SVEP1: variants seen among roughly 807,000 people sequenced by gnomAD.
SVEP1 encodes sushi, von Willebrand factor type A, EGF and pentraxin domain-containing protein 1.
SVEP1 carries 164 observed loss-of-function variants against 367.3 expected under a neutral mutation model. The observed-to-expected ratio is 0.45, with a 90% CI of 0.39 to 0.51. The LOEUF is 0.51. Ranked by LOEUF, SVEP1 falls within the 20% of genes least tolerant of loss-of-function variation. The pLI is 0.00. For missense variants in SVEP1, 4,117 were observed against 4,425.3 expected (o/e 0.93, Z 1.98); for synonymous variants, 1,666 against 1,611.6 (o/e 1.03, Z -0.81).
intron 8 of SVEP1, among the ~76,000 whole-genome samples, chr9:110,495,068 T>C (rs1333310906): frequency 6.6e-6 from 1 of 152,194 alleles, no homozygotes; most frequent in Non-Finnish European, 1.5e-5. Flanking sequence ...CTTATTCCCT[T>C]TAGTTACGCT....
intron 34 of SVEP1, 57 bp downstream of exon 34, chr9:110,429,863 C>A (rs140747817): frequency 1.3e-5 from 19 of 1,443,434 alleles, no homozygotes; most frequent in Admixed American, 6.8e-5. Flanking sequence ...AGTGTTATAT[C>A]ACTACCAGTA....
Position 110,513,013 on chromosome 9 carries a change from A to G in SVEP1, c.1216T>C (p.Cys406Arg), listed in dbSNP as rs1439359661. ...NHFNAACGVR[C>R]HPGFDLVGSS... ...CCCACAAGATCAAATCCAGGGTGAC[A>G]TCGGACCCCACAGGCTGCATTGAAG... The change falls in exon 5 of 48, where the codon TGT becomes CGT. Residue 406 changes from cysteine to arginine, a missense_variant. By Grantham distance (180) the Cys-to-Arg change is radical. Coordinates refer to ENST00000374469, the MANE Select transcript of SVEP1 (RefSeq NM_153366.4). 1 of 1,613,908 alleles carries G rather than the reference A, an allele frequency of 6.2e-7. No individual in the cohort carries two copies. The highest frequency in any genetic ancestry group is 8.5e-7 in the Non-Finnish European group (1 of 1,179,896).
intron 3 of SVEP1, among the ~76,000 whole-genome samples, chr9:110,540,598 G>A (rs1392925072): frequency 6.6e-6 from 1 of 152,076 alleles, no homozygotes; most frequent in East Asian, 1.9e-4. Context: ...GAACAAGAAC[G>A]ACAAGACCAC....
chr9:110,553,641 G>GTA (rs1223781550), intron 1 of SVEP1, among the ~76,000 whole-genome samples: 1 of 152,140 alleles, frequency 6.6e-6, no homozygotes, highest in Non-Finnish European at 1.5e-5. Flanking sequence ...ACAGGCCCAG[G>GTA]TATTTCAAGG....
At chr9:110,403,083 G>T (rs1056807932) in intron 39 of SVEP1, among the ~76,000 whole-genome samples, 1 of 151,924 alleles carries the variant, frequency 6.6e-6, no homozygotes, top group Non-Finnish European at 1.5e-5. Flanking sequence ...TATTTGAGAT[G>T]GAATTTAAAC....
At chr9:110,370,502 AAATT>A (rs1399542631) in intron 46 of SVEP1, among the ~76,000 whole-genome samples, 1 of 152,188 alleles carries the variant, frequency 6.6e-6, no homozygotes, top group Admixed American at 6.6e-5. Flanking sequence ...TTATGATAAT[AAATT>A]AGGCACATGG....
At chr9:110,441,477 C>T (rs1445906403) in intron 27 of SVEP1, among the ~76,000 whole-genome samples, 1 of 152,214 alleles carries the variant, frequency 6.6e-6, no homozygotes, top group Non-Finnish European at 1.5e-5. Flanking sequence ...CTTGACTCTA[C>T]AGCTCTGTCC....
At chr9:110,416,194 G>A (rs1273802220) in intron 36 of SVEP1, among the ~76,000 whole-genome samples, 1 of 151,266 alleles carries the variant, frequency 6.6e-6, no homozygotes, top group African/African-American at 2.4e-5. Context: ...AAACTGCAAG[G>A]GTAGAGCACC....
intron 35 of SVEP1, 106 bp downstream of exon 35, chr9:110,429,037 C>G (rs1828306157): frequency 2.0e-6 from 2 of 991,726 alleles, no homozygotes. Flanking sequence ...CCACTGCACT[C>G]TAGCCTGAGT....
At position 110,450,161 on chromosome 9, in the gene SVEP1, G is replaced by T. The variant is rs748229531; in HGVS notation, c.4001C>A (p.Pro1334Gln). ...ACATCGGGTACCCAAAAATCCAGGT[G>T]GGCATTTGCACAAGAATCCCCCAAC... ...DQVGGFLCKC[P>Q]PGFLGTRCGK... Residue 1334 changes from proline (P) to glutamine (Q), a missense_variant, in exon 24 of 48, where the codon CCA becomes CAA. By Grantham distance (76) the Pro-to-Gln change is moderately conservative. Transcript: ENST00000374469. 4.1e-5 allele frequency: 66 copies of T among 1,613,856 alleles called. 2 individuals are homozygous for T. In the South Asian group the frequency reaches 7.2e-4, roughly 18 times the overall value.
intron 5 of SVEP1, among the ~76,000 whole-genome samples, chr9:110,508,483 C>T (rs1002900724): frequency 3.3e-5 from 5 of 151,778 alleles, no homozygotes; most frequent in African/African-American, 1.2e-4. Context: ...GAATTCTGGC[C>T]GGGTGCGGTG....
chr9:110,441,096 CA>C (rs1490158482), intron 27 of SVEP1, among the ~76,000 whole-genome samples: 2 of 152,094 alleles, frequency 1.3e-5, no homozygotes, highest in African/African-American at 4.8e-5. Flanking sequence ...GGTAATTAGG[CA>C]TAAATGGTAT....
chr9:110,432,093 A>C, intron 31 of SVEP1, 59 bp from the exon 32 acceptor site: 2 of 1,527,386 alleles, frequency 1.3e-6, no homozygotes, highest in Non-Finnish European at 1.8e-6. Flanking sequence ...TGTATCAAAC[A>C]TCTGTTTTTA....
Position 110,476,255 on chromosome 9 carries a change from T to C in SVEP1, c.2548A>G (p.Lys850Glu), listed in dbSNP as rs757803087. Residue 850 changes from lysine to glutamate, a missense_variant, in exon 14 of 48, where the codon AAA becomes GAA. Coordinates refer to ENST00000374469, the MANE Select transcript of SVEP1 (RefSeq NM_153366.4). ...TAATTATATTCTAGGCAATATTTTT[T>C]GGTCAGGTTCTCCTCCAGTCTGCAG... ...IDCRLEENLT[K>E]KYCLEYNYDY... is the part of the protein sequence containing the mutation. 5.6e-6 allele frequency: 9 copies of C among 1,613,640 alleles called. No individual in the cohort carries two copies. The African/African-American group carries it at 1.2e-4, about 22-fold the overall frequency.
intron 27 of SVEP1, 175 bp downstream of exon 27, chr9:110,443,370 A>G (rs1475123560): frequency 1.9e-6 from 1 of 528,932 alleles, no homozygotes; most frequent in Non-Finnish European, 3.0e-6. Context: ...CAGCTTACTT[A>G]GGAAAAAAGC....
intron 26 of SVEP1, among the ~76,000 whole-genome samples, chr9:110,445,095 C>T (rs752195525): frequency 2.6e-5 from 4 of 152,158 alleles, no homozygotes; most frequent in East Asian, 1.9e-4. Flanking sequence ...TCTAACCACA[C>T]GGAAGTTATG....
chr9:110,486,339 T>C (rs1224024232), intron 9 of SVEP1, among the ~76,000 whole-genome samples: 2 of 152,180 alleles, frequency 1.3e-5, no homozygotes, highest in African/African-American at 2.4e-5. Context: ...AGTCAATTAC[T>C]GTCAAAAGAA....
Position 110,443,239 on chromosome 9 carries a change from AC to A in SVEP1, c.4639+305del, listed in dbSNP as rs1828540134. On this transcript the variant is annotated intron_variant, in intron 27 of 47. Transcript: ENST00000374469. ...CAAAACAAAACAATCCTTAAAATAA[AC>A]AAAAAATACCAGTAATTAATCTCCT... 3 of 246,142 alleles carry A rather than the reference AC, an allele frequency of 1.2e-5. No homozygotes were observed. In the East Asian group the frequency reaches 2.4e-4, roughly 20 times the overall value. The allele number at this position is 246,142 out of a possible 1,614,324, so 15.2% of individuals were successfully genotyped here. A position where few individuals can be genotyped will look rare whatever the true frequency, so the allele number is the denominator to read the frequency against.
chr9:110,385,853 C>T (rs759491984), intron 43 of SVEP1, 45 bp downstream of exon 43: 1 of 1,578,882 alleles, frequency 6.3e-7, no homozygotes, highest in East Asian at 2.3e-5. Flanking sequence ...GATGGGAAAA[C>T]ATTTCGCACT....
Sources: allele counts gnomAD v4.1 joint callset (sites outside exome capture counted in the v4.1 genomes callset), GRCh38; gene constraint gnomAD v4.1.1; transcripts MANE v1.5; gene names NCBI Gene and HGNC (gene_info 2026-07-23, HGNC 2026-07-21).